Variants in CEMIP observed in about 807,000 individuals in gnomAD.
CEMIP encodes cell migration-inducing and hyaluronan-binding protein.
In CEMIP, 105 loss-of-function variants were observed where a neutral mutation model predicts 156.9. The ratio of observed to expected loss-of-function variants is 0.67; its 90% CI spans 0.57 to 0.79. The LOEUF is 0.79. Ranked by LOEUF, CEMIP falls within the 30% of genes least tolerant of loss-of-function variation. The pLI, the probability that CEMIP is intolerant of heterozygous loss-of-function variation, is 0.00. For missense variants in CEMIP, 1,457 were observed against 1,769.4 expected (o/e 0.82, Z 3.17); for synonymous variants, 676 against 668.4 (o/e 1.01, Z -0.17).
At chr15:80,792,558 G>T (rs993193575) in intron 1 of CEMIP, among the ~76,000 whole-genome samples, 3 of 152,224 alleles carry the variant, frequency 2.0e-5, no homozygotes, top group Admixed American at 1.3e-4. Flanking sequence ...ACTAATACAC[G>T]GCAACTTCTT....
chr15:80,837,656 C>T (rs1897297088), intron 1 of CEMIP, among the ~76,000 whole-genome samples: 1 of 152,228 alleles, frequency 6.6e-6, no homozygotes, highest in Admixed American at 6.5e-5. Flanking sequence ...CCTTCTTCCC[C>T]ATCTGCCTTC....
chr15:80,901,034 A>C (rs2141875218), intron 12 of CEMIP: 1 of 452,052 alleles, frequency 2.2e-6, no homozygotes, highest in South Asian at 1.6e-5. Flanking sequence ...AAATTTCAAA[A>C]TTTTGTCAAC....
rs910203966 is a variant in CEMIP, at chr15:80,906,960, G to A, written c.1587+122G>A. The A allele has an allele frequency of 1.9e-6, 2 of 1,066,378 alleles. No individual in the cohort carries two copies. The highest frequency in any genetic ancestry group is 3.1e-5 in the African/African-American group (2 of 63,554). 66.1% of individuals were successfully genotyped at this position (1,066,378 alleles called of 1,614,324 possible). On this transcript the variant is annotated intron_variant, in intron 13 of 29. Transcript: ENST00000394685. The surrounding 1 kb of genome is among the most constrained non-coding windows in gnomAD (Gnocchi z 4.3). ...GAACAGGAGGTGGGATCAAGGGGAGGGCGCCTTCTGGAAGTTTGAGAAGTC... is the reference window on the plus strand; with the variant it reads ...GAACAGGAGGTGGGATCAAGGGGAGAGCGCCTTCTGGAAGTTTGAGAAGTC...
At position 80,874,051 on chromosome 15, in the gene CEMIP, G is replaced by C. The variant is rs28394231; in HGVS notation, c.94+78G>C. 4.7e-3 allele frequency: 6,444 copies of C among 1,368,064 alleles called. 266 individuals carry two copies. The African/African-American group carries it at 0.082, about 17-fold the overall frequency. 84.7% of individuals were successfully genotyped at this position (1,368,064 alleles called of 1,614,324 possible). ...CCTCACTGGAGCAAGGCTGCTTTTG[G>C]GGGAGCCAGGAGAAGGAGCCGTGGG... On this transcript the variant is annotated intron_variant, in intron 3 of 29. Coordinates refer to ENST00000394685, the MANE Select transcript of CEMIP (RefSeq NM_001293298.2).
chr15:80,785,923 T>C (rs1165922965), intron 1 of CEMIP, among the ~76,000 whole-genome samples: 2 of 152,340 alleles, frequency 1.3e-5, no homozygotes, highest in Admixed American at 6.5e-5. Context: ...AGAGTGCTTC[T>C]GAGCAGCTGT....
chr15:80,895,027 T>C lies in CEMIP; in HGVS notation c.1124T>C (p.Val375Ala), dbSNP rs751879684. ...TMDGVNLSTE[V>A]VYKKGQDYRF... is the part of the protein sequence containing the mutation. Reference sequence around the variant, plus strand: ...GATGGAGTTAACCTCAGCACCGAGGTTGTCTACAAAAAAGGCCAGGATTAT... The same window carrying C: ...GATGGAGTTAACCTCAGCACCGAGGCTGTCTACAAAAAAGGCCAGGATTAT... Residue 375 changes from valine (V) to alanine (A), a missense_variant, in exon 11 of 30, where the codon GTT becomes GCT. Physicochemically the swap from Val to Ala is moderately conservative, Grantham distance 64. Around this residue, in one of 5 missense-constraint regions of CEMIP, gnomAD observed 280 missense variants for 300.3 expected, o/e 0.93. Coordinates refer to ENST00000394685, the MANE Select transcript of CEMIP (RefSeq NM_001293298.2). 60 of 1,613,958 alleles carry C rather than the reference T, an allele frequency of 3.7e-5. No individual in the cohort carries two copies. The highest frequency in any genetic ancestry group is 2.9e-4 in the African/African-American group (22 of 74,882).
At position 80,895,928 on chromosome 15, in the gene CEMIP, G is replaced by C; in HGVS notation, c.1279G>C (p.Glu427Gln). Reference protein sequence around the residue: ...TNVNSTILNLEDNVQSWKPGD... With the variant: ...TNVNSTILNLQDNVQSWKPGD... ...TGTGAACAGCACCATTCTGAACTTGGAGGATAATGTACAGTCATGGAAACC... is the reference window on the plus strand; with the variant it reads ...TGTGAACAGCACCATTCTGAACTTGCAGGATAATGTACAGTCATGGAAACC... Residue 427 changes from glutamate (E) to glutamine (Q), a missense_variant, in exon 12 of 30, where the codon GAG becomes CAG. Around this residue, in one of 5 missense-constraint regions of CEMIP, gnomAD observed 280 missense variants for 300.3 expected, o/e 0.93. Transcript: ENST00000394685. 6.2e-7 allele frequency: 1 copy of C among 1,614,130 alleles called. No individual in the cohort carries two copies. The highest frequency in any genetic ancestry group is 1.1e-5 in the South Asian group (1 of 91,066).
intron 1 of CEMIP, among the ~76,000 whole-genome samples, chr15:80,807,467 C>T (rs1896542184): frequency 1.3e-5 from 2 of 152,176 alleles, no homozygotes; most frequent in African/African-American, 4.8e-5. Context: ...TCAAATGATC[C>T]TCCTGCCTTG....
chr15:80,932,021 T>C lies in CEMIP; in HGVS notation c.2775T>C (p.Ile925=), dbSNP rs760957437. ...QSCPHNNVTG[I]AFEDVPITSR... ...GCCCCCATAACAACGTGACCGGCATTGCCTTTGAGGACGTTCCGGTGAGTG... is the reference window on the plus strand; with the variant it reads ...GCCCCCATAACAACGTGACCGGCATCGCCTTTGAGGACGTTCCGGTGAGTG... The change falls in exon 22 of 30, where the codon ATT becomes ATC. Residue 925 remains isoleucine (I), a synonymous_variant. Transcript: ENST00000394685. The surrounding 1 kb of genome is among the most constrained non-coding windows in gnomAD (Gnocchi z 4.5). 4 of 1,613,956 alleles carry C rather than the reference T, an allele frequency of 2.5e-6. No homozygotes were observed. The Admixed American group carries it at 6.7e-5, about 27-fold the overall frequency.
intron 10 of CEMIP, among the ~76,000 whole-genome samples, chr15:80,891,583 A>G (rs1353722113): frequency 3.3e-5 from 5 of 152,220 alleles, no homozygotes; most frequent in Non-Finnish European, 7.3e-5. Context: ...TCTTCCCACA[A>G]TGAAAGCATT....
chr15:80,807,518 C>A (rs991421796), intron 1 of CEMIP, among the ~76,000 whole-genome samples: 4 of 152,184 alleles, frequency 2.6e-5, no homozygotes, highest in Admixed American at 6.5e-5. Context: ...AGCCACCACA[C>A]CTGGCCTGAG....
intron 25 of CEMIP, 73 bp downstream of exon 25, chr15:80,938,052 C>CT (rs1375286796): frequency 1.6e-6 from 2 of 1,260,756 alleles, no homozygotes; most frequent in African/African-American, 3.0e-5. Context: ...TCCAATAAGT[C>CT]TAAGAACAGC....
chr15:80,873,903 C>T lies in CEMIP; in HGVS notation c.24C>T (p.Asp8=), dbSNP rs1485318041. 2.5e-6 allele frequency: 4 copies of T among 1,580,994 alleles called. No individual in the cohort carries two copies. The highest frequency in any genetic ancestry group is 3.4e-6 in the Non-Finnish European group (4 of 1,161,768). ...GGATGGGAGCTGCTGGGAGGCAGGA[C>T]TTCCTCTTCAAGGCCATGCTGACCA... MGAAGRQ[D]FLFKAMLTIS... The change falls in exon 3 of 30, where the codon GAC becomes GAT. Residue 8 remains aspartate, a synonymous_variant. Coordinates refer to ENST00000394685, the MANE Select transcript of CEMIP (RefSeq NM_001293298.2).
intron 19 of CEMIP, among the ~76,000 whole-genome samples, chr15:80,927,045 G>A (rs976419597): frequency 2.0e-5 from 3 of 152,210 alleles, no homozygotes; most frequent in Non-Finnish European, 4.4e-5. Flanking sequence ...TGGCCAGGCT[G>A]GTCGCAAGCT....
At chr15:80,866,737 G>A (rs1898139188) in intron 1 of CEMIP, among the ~76,000 whole-genome samples, 1 of 148,876 alleles carries the variant, frequency 6.7e-6, no homozygotes, top group Admixed American at 6.8e-5. Flanking sequence ...AGTGAGCTGA[G>A]ATCACACCAC....
chr15:80,852,314 C>T (rs1332377074), intron 1 of CEMIP, among the ~76,000 whole-genome samples: 1 of 152,074 alleles, frequency 6.6e-6, no homozygotes, highest in Non-Finnish European at 1.5e-5. Flanking sequence ...ATACCTGGCA[C>T]ACAGAAGGCC....
In CEMIP at chr15:80,950,579, T is replaced by G. The variant is rs1005328213; in HGVS notation, c.*1655T>G. On this transcript the variant is annotated 3_prime_UTR_variant, in exon 30 of 30. Transcript: ENST00000394685. ...ACTCCCCATTGGTGCTACCTGGCTCTCCTGTCTCTGCAGCTCTACAGGTGA... is the reference window on the plus strand; with the variant it reads ...ACTCCCCATTGGTGCTACCTGGCTCGCCTGTCTCTGCAGCTCTACAGGTGA... The G allele has an allele frequency of 6.6e-6, 1 of 152,290 alleles. No homozygotes were observed. The highest frequency in any genetic ancestry group is 2.4e-5 in the African/African-American group (1 of 41,446). The allele number at this position is 152,290 out of a possible 1,614,324, so 9.4% of individuals were successfully genotyped here. A position where few individuals can be genotyped will look rare whatever the true frequency, so the allele number is the denominator to read the frequency against.
intron 12 of CEMIP, among the ~76,000 whole-genome samples, chr15:80,904,117 C>T (rs1899687718): frequency 6.6e-6 from 1 of 152,218 alleles, no homozygotes; most frequent in Non-Finnish European, 1.5e-5. Context: ...CCACTCCTGA[C>T]CCCTTTGGCA....
chr15:80,937,678 C>CAAA, intron 24 of CEMIP, 116 bp from the exon 25 acceptor site: 1 of 925,902 alleles, frequency 1.1e-6, no homozygotes, highest in South Asian at 1.4e-5. Context: ...ATTTCCCATA[C>CAAA]AAAAGTGGAG....
Sources: gnomAD v4.1 joint callset for allele counts (sites outside exome capture counted in the v4.1 genomes callset) on GRCh38, gnomAD v4.1.1 for gene constraint, gnomAD v4.1.1 regional missense constraint, Gnocchi (gnomAD v3.1) non-coding constraint, MANE v1.5 for transcripts, NCBI Gene and HGNC (gene_info 2026-07-23, HGNC 2026-07-21) for gene names.